Variants in NES observed in about 807,000 individuals in gnomAD.
The protein encoded by NES is nestin.
A neutral mutation model predicts 35.6 loss-of-function variants in NES; 27 were observed. The observed-to-expected ratio is 0.76, with a 90% CI of 0.56 to 1.04. The LOEUF (loss-of-function observed/expected upper bound fraction) is 1.04, where lower values mean the gene tolerates loss of function less well. Ranked by LOEUF, NES falls within the 50% of genes least tolerant of loss-of-function variation. NES has a pLI of 0.00. For synonymous variants in NES, 822 were observed against 824.2 expected (o/e 1.00, Z 0.04); for missense variants, 1,867 against 1,983.6 (o/e 0.94, Z 1.12).
chr1:156,672,125 G>A lies in NES; in HGVS notation c.2063C>T (p.Ala688Val). 1 of 1,611,420 alleles carries A rather than the reference G, an allele frequency of 6.2e-7. No individual in the cohort carries two copies. The highest frequency in any genetic ancestry group is 1.7e-5 in the Admixed American group (1 of 59,354). The stretch of plus-strand genomic sequence containing the variant: ...ATTCTCCTTTGTCAGAGGTCTCAGT[G>A]CCTCCTCATCCCCTACTTCTGGAGA... ...LRSPEVGDEE[A>V]LRPLTKENQE... Residue 688 changes from alanine (A) to valine (V), a missense_variant, in exon 4 of 4, where the codon GCA (alanine) becomes GTA (valine). Ala to Val is a moderately conservative substitution (Grantham distance 64, BLOSUM62 0). Transcript: ENST00000368223.
In NES at chr1:156,671,466, C is replaced by G; in HGVS notation, c.2722G>C (p.Glu908Gln). 3 of 1,614,048 alleles carry G rather than the reference C, an allele frequency of 1.9e-6. No homozygotes were observed. The highest frequency in any genetic ancestry group is 1.7e-6 in the Non-Finnish European group (2 of 1,180,036). Residue 908 changes from glutamate to glutamine, a missense_variant, in exon 4 of 4, where the codon GAG (glutamate) becomes CAG (glutamine). Physicochemically the swap from Glu to Gln is conservative, Grantham distance 29. Transcript: ENST00000368223. ...TTCCTTTGACTTTCCTTGTCTACCT[C>G]CTCTGGAGATCTCAAATTCTCCAGG... is the stretch of plus-strand genomic sequence containing the variant. ...WNLENLRSPE[E>Q]VDKESQRNLE...
At position 156,676,645 on chromosome 1, in the gene NES, G is replaced by C; in HGVS notation, c.620C>G (p.Ala207Gly). The change falls in exon 1 of 4, where the codon GCC becomes GGC. Residue 207 changes from alanine (A) to glycine (G), a missense_variant. Transcript: ENST00000368223. This position sits in a 1 kb window ranked among gnomAD's most constrained non-coding sequence, Gnocchi z 5.3. ...CACCGCCCGGCCCAGCCGCTCGCGG[G>C]CCTGGCCCAGCGACGTCTCCATGTG... ...VAHMETSLGQ[A>G]RERLGRAVQG... 6.5e-7 allele frequency: 1 copy of C among 1,528,164 alleles called. No individual in the cohort carries two copies. The highest frequency in any genetic ancestry group is 8.7e-7 in the Non-Finnish European group (1 of 1,150,574). 94.7% of individuals were successfully genotyped at this position (1,528,164 alleles called of 1,614,324 possible). A position where few individuals can be genotyped will look rare whatever the true frequency, so the allele number is the denominator to read the frequency against.
rs753043726 is a variant in NES, at chr1:156,677,297, C to G, written c.-33G>C. The G allele has an allele frequency of 1.4e-6, 2 of 1,387,316 alleles. No individual in the cohort carries two copies. Among genetic ancestry groups the G allele is most frequent in the Non-Finnish European group, 1.9e-6 (2 of 1,043,198 alleles). The allele number at this position is 1,387,316 out of a possible 1,614,324, so 85.9% of individuals were successfully genotyped here. A position where few individuals can be genotyped will look rare whatever the true frequency, so the allele number is the denominator to read the frequency against. On this transcript the variant is annotated 5_prime_UTR_variant, in exon 1 of 4. Transcript: ENST00000368223. The surrounding 1 kb of genome is among the most constrained non-coding windows in gnomAD (Gnocchi z 4.5). ...GTCTGACCCACTGAGGATGGACAGACGCGGGGCACCGGGAGAAGGGAGCGG... is the reference window on the plus strand; with the variant it reads ...GTCTGACCCACTGAGGATGGACAGAGGCGGGGCACCGGGAGAAGGGAGCGG...
At chr1:156,673,242 A>T (rs375872570) in intron 3 of NES, 37 bp from the exon 4 acceptor site, 1 of 1,440,562 alleles carries the variant, frequency 6.9e-7, no homozygotes, top group Admixed American at 2.7e-5. Flanking sequence ...GCATCAGTAT[A>T]TCACTGGCAA....
Position 156,671,838 on chromosome 1 carries a change from C to A in NES, c.2350G>T (p.Asp784Tyr). 6.2e-7 allele frequency: 1 copy of A among 1,613,864 alleles called. No individual in the cohort carries two copies. Among genetic ancestry groups the A allele is most frequent in the Non-Finnish European group, 8.5e-7 (1 of 1,179,976 alleles). The change falls in exon 4 of 4, where the codon GAT becomes TAT. Residue 784 changes from aspartate to tyrosine, a missense_variant. Asp to Tyr is a radical substitution (Grantham distance 160). Transcript: ENST00000368223. ...QMTLRPPEKVDLEPLKSLDQE... is the reference protein window; with the variant it reads ...QMTLRPPEKVYLEPLKSLDQE... ...TCAAGAGACTTCAGTGGTTCTAGAT[C>A]CACTTTTTCTGGGGGTCTTAATGTC...
chr1:156,671,384 A>C lies in NES; in HGVS notation c.2804T>G (p.Leu935Arg), dbSNP rs1571463338. ...KGEYQESLRS[L>R]EEEGQELPQS... ...CGGCAGCTCCTGTCCCTCCTCCTCC[A>C]GAGACCTCAGTGACTCTTGGTACTC... Residue 935 changes from leucine (L) to arginine (R), a missense_variant, in exon 4 of 4, where the codon CTG (leucine) becomes CGG (arginine). Leu to Arg is a moderately radical substitution (Grantham distance 102, BLOSUM62 -2). Coordinates refer to ENST00000368223, the MANE Select transcript of NES (RefSeq NM_006617.2). 6.2e-7 allele frequency: 1 copy of C among 1,613,978 alleles called. No individual in the cohort carries two copies. Among genetic ancestry groups the C allele is most frequent in the Non-Finnish European group, 8.5e-7 (1 of 1,180,016 alleles).
At position 156,671,040 on chromosome 1, in the gene NES, C is replaced by A; in HGVS notation, c.3148G>T (p.Ala1050Ser). ...CCCTGGGGAGCCTGGAGGCCTGGGG[C>A]CCCCACCTGTTGTGATTGCCCTTCA... The part of the protein sequence containing the change: ...DPEGQSQQVG[A>S]PGLQAPQGLP... Residue 1050 changes from alanine to serine, a missense_variant, in exon 4 of 4, where the codon GCC becomes TCC. Physicochemically the swap from Ala to Ser is moderately conservative, Grantham distance 99. Transcript: ENST00000368223. The A allele has an allele frequency of 4.3e-6, 7 of 1,613,090 alleles. No homozygotes were observed. The highest frequency in any genetic ancestry group is 5.1e-6 in the Non-Finnish European group (6 of 1,179,768).
chr1:156,673,254 G>A, intron 3 of NES, 49 bp from the exon 4 acceptor site: 3 of 1,416,168 alleles, frequency 2.1e-6, no homozygotes, highest in Non-Finnish European at 2.8e-6. Flanking sequence ...CACTGGCAAT[G>A]AGGGGAGCCA....
rs1226784471 is a variant in NES at position 156,670,892 on chromosome 1, G to C, written c.3296C>G (p.Pro1099Arg). The change falls in exon 4 of 4, where the codon CCA becomes CGA. Residue 1099 changes from proline to arginine, a missense_variant. By Grantham distance (103) the Pro-to-Arg change is moderately radical (BLOSUM62 -2). Transcript: ENST00000368223. ...CCCTCCCACCCCCTGCCCCGGGCCT[G>C]GCTCAGCTCCCGCAGCAGACTCACC... ...AMGESAAGAE[P>R]GPGQGVGGLG... is the part of the protein sequence containing the mutation. 3.8e-6 allele frequency: 6 copies of C among 1,573,884 alleles called. No individual in the cohort carries two copies. In the African/African-American group the frequency reaches 8.2e-5, roughly 21 times the overall value.
chr1:156,673,353 C>T, intron 3 of NES, 101 bp downstream of exon 3: 1 of 1,354,504 alleles, frequency 7.4e-7, no homozygotes, highest in African/African-American at 1.4e-5. Context: ...CACTGGAGGC[C>T]ACGGACTTGA....
rs1679658351 is a variant in NES at position 156,669,717 on chromosome 1, C to G, written c.4471G>C (p.Asp1491His). 3 of 1,614,080 alleles carry G rather than the reference C, an allele frequency of 1.9e-6. No homozygotes were observed. In the East Asian group the frequency reaches 6.7e-5, roughly 36 times the overall value. Residue 1491 changes from aspartate (D) to histidine (H), a missense_variant, in exon 4 of 4, where the codon GAC becomes CAC. By Grantham distance (81) the Asp-to-His change is moderately conservative (BLOSUM62 -1). Coordinates refer to ENST00000368223, the MANE Select transcript of NES (RefSeq NM_006617.2). ...TCTGAGCCAGAAGGCTCAGCACTGTCCTGGGACTCCGTTTCCAGGGCAGTC... is the reference window on the plus strand; with the variant it reads ...TCTGAGCCAGAAGGCTCAGCACTGTGCTGGGACTCCGTTTCCAGGGCAGTC... ...PKTALETESQ[D>H]SAEPSGSEEE...
rs865895884 is a variant in NES at position 156,672,908 on chromosome 1, G to A, written c.1280C>T (p.Pro427Leu). The stretch of plus-strand genomic sequence containing the variant: ...GGCCACCCTGGCTTCAGCCCGCAGG[G>A]GCTCTGGAGCCTGTTTCCTCCCACC... Reference protein sequence around the residue: ...TQGGRKQAPEPLRAEARVAIP... With the variant: ...TQGGRKQAPELLRAEARVAIP... Residue 427 changes from proline to leucine, a missense_variant, in exon 4 of 4, where the codon CCC (proline) becomes CTC (leucine). Coordinates refer to ENST00000368223, the MANE Select transcript of NES (RefSeq NM_006617.2). 2 of 1,614,002 alleles carry A rather than the reference G, an allele frequency of 1.2e-6. No homozygotes were observed. Among genetic ancestry groups the A allele is most frequent in the African/African-American group, 1.3e-5 (1 of 75,046 alleles).
rs1679739002 is a variant in NES at position 156,671,792 on chromosome 1, A to G, written c.2396T>C (p.Leu799Pro). The G allele has an allele frequency of 6.2e-7, 1 of 1,613,972 alleles. No homozygotes were observed. The highest frequency in any genetic ancestry group is 1.3e-5 in the African/African-American group (1 of 74,910). ...KSLDQEIARPLENENQEFLKS... is the reference protein window; with the variant it reads ...KSLDQEIARPPENENQEFLKS... ...TAAGAACTCTTGATTCTCATTTTCA[A>G]GAGGTCTAGCTATCTCCTGGTCAAG... is the stretch of plus-strand genomic sequence containing the variant. The change falls in exon 4 of 4, where the codon CTT becomes CCT. Residue 799 changes from leucine to proline, a missense_variant. By Grantham distance (98) the Leu-to-Pro change is moderately conservative. Transcript: ENST00000368223.
chr1:156,670,795 T>C lies in NES; in HGVS notation c.3393A>G (p.Ala1131=), dbSNP rs755691692. The change falls in exon 4 of 4, where the codon GCA becomes GCG. Residue 1131 remains alanine, a synonymous_variant. Coordinates refer to ENST00000368223, the MANE Select transcript of NES (RefSeq NM_006617.2). ...EPPLEEESLE[A]KRVQGLEGPR... Reference sequence around the variant, plus strand: ...GCCCTTCCAAGCCCTGAACCCTCTTTGCCTCCAAACTCTCCTCTTCCAGGG... The same window carrying C: ...GCCCTTCCAAGCCCTGAACCCTCTTCGCCTCCAAACTCTCCTCTTCCAGGG... 1 of 1,614,100 alleles carries C rather than the reference T, an allele frequency of 6.2e-7. No individual in the cohort carries two copies. Among genetic ancestry groups the C allele is most frequent in the Non-Finnish European group, 8.5e-7 (1 of 1,179,976 alleles).
Position 156,676,914 on chromosome 1 carries a change from C to T in NES, c.351G>A (p.Glu117=). ...EEVARNRRAV[E]AEKCARAWLS... ...GCCAGGCCCGGGCGCATTTCTCTGC[C>T]TCGACGGCGCGCCGGTTGCGGGCTA... Residue 117 remains glutamate, a synonymous_variant, in exon 1 of 4, where the codon GAG becomes GAA. Transcript: ENST00000368223. This position sits in a 1 kb window ranked among gnomAD's most constrained non-coding sequence, Gnocchi z 5.3. 2 of 1,554,358 alleles carry T rather than the reference C, an allele frequency of 1.3e-6. No homozygotes were observed. The highest frequency in any genetic ancestry group is 1.7e-6 in the Non-Finnish European group (2 of 1,159,344).
At position 156,673,435 on chromosome 1, in the gene NES, A is replaced by G. The variant is rs750569377; in HGVS notation, c.982+19T>C. ...GCAAAGCAGGGTAGTTTCTGGGGGA[A>G]CTTGGCCCCTCCTCTTACCCTGAAA... On this transcript the variant is annotated intron_variant, in intron 3 of 3. Coordinates refer to ENST00000368223, the MANE Select transcript of NES (RefSeq NM_006617.2). 6.8e-6 allele frequency: 11 copies of G among 1,606,704 alleles called. No individual in the cohort carries two copies. The South Asian group carries it at 9.9e-5, about 14-fold the overall frequency.
rs549961798 is a variant in NES at position 156,671,715 on chromosome 1, T to A, written c.2473A>T (p.Ile825Phe). The change falls in exon 4 of 4, where the codon ATC becomes TTC. Residue 825 changes from isoleucine to phenylalanine, a missense_variant. Transcript: ENST00000368223. ...VEAVKSLETE[I>F]LESLKSAGQE... The stretch of plus-strand genomic sequence containing the variant: ...CCCGCAGACTTCAGTGATTCTAGGA[T>A]CTCTGTTTCTAAAGATTTTACTGCC... 297 of 1,613,894 alleles carry A rather than the reference T, an allele frequency of 1.8e-4. 3 individuals carry two copies. In the South Asian group the frequency reaches 3.0e-3, roughly 17 times the overall value.
rs1259448642 is a variant in NES, at chr1:156,671,046, C to T, written c.3142G>A (p.Val1048Met). 6.2e-7 allele frequency: 1 copy of T among 1,613,512 alleles called. No individual in the cohort carries two copies. The highest frequency in any genetic ancestry group is 1.3e-5 in the African/African-American group (1 of 74,906). ...LQDPEGQSQQ[V>M]GAPGLQAPQG... ...GGAGCCTGGAGGCCTGGGGCCCCCA[C>T]CTGTTGTGATTGCCCTTCAGGGTCC... Residue 1048 changes from valine (V) to methionine (M), a missense_variant, in exon 4 of 4, where the codon GTG becomes ATG. By Grantham distance (21) the Val-to-Met change is conservative (BLOSUM62 1). Transcript: ENST00000368223.
chr1:156,675,628 C>T (rs1225345245), intron 1 of NES, among the ~76,000 whole-genome samples: 1 of 152,054 alleles, frequency 6.6e-6, no homozygotes, highest in Non-Finnish European at 1.5e-5. Context: ...GAACACAGCT[C>T]CCACAGGAAG....
Sources: allele counts gnomAD v4.1 joint callset (sites outside exome capture counted in the v4.1 genomes callset), GRCh38; gene constraint gnomAD v4.1.1; non-coding constraint Gnocchi (gnomAD v3.1); transcripts MANE v1.5; gene names NCBI Gene and HGNC (gene_info 2026-07-23, HGNC 2026-07-21).